The following RNF13 variants were observed in gnomAD, a reference collection of about 807,000 sequenced individuals.
RNF13 encodes the protein ring finger protein 13.
RNF13 carries 19 observed loss-of-function variants against 37.7 expected under a neutral mutation model. That is an observed-to-expected ratio of 0.50 (90% confidence interval 0.35 to 0.74). The LOEUF is 0.74. Ranked by LOEUF, RNF13 falls within the 30% of genes least tolerant of loss-of-function variation. The probability of loss-of-function intolerance (pLI) is 0.01; values close to 1 mark genes in which losing one functional copy is unlikely to be tolerated. For missense variants in RNF13, 375 were observed against 453.0 expected (o/e 0.83, Z 1.56); for synonymous variants, 144 against 157.8 (o/e 0.91, Z 0.65).
At chr3:149,957,398 C>CTT (rs11415581) in intron 8 of RNF13, among the ~76,000 whole-genome samples, 5 of 151,208 alleles carry the variant, frequency 3.3e-5, no homozygotes, top group South Asian at 2.1e-4. Flanking sequence ...GAGCAACTAG[C>CTT]TTTTTTTTTA....
chr3:149,817,578 C>T (rs924897860), intron 1 of RNF13, among the ~76,000 whole-genome samples: 1 of 152,168 alleles, frequency 6.6e-6, no homozygotes, highest in Non-Finnish European at 1.5e-5. Flanking sequence ...ATCAGAGACT[C>T]TGTGTGCTTG....
rs914224250 is a variant in RNF13, at chr3:149,943,197, A to G, written c.701-16859A>G. ...GTTAAGGTAATTCTGACCTCATAGA[A>G]TGAGTTTGGAAGTGTTGCAGTTCTT... On this transcript the variant is annotated intron_variant, in intron 8 of 9. Coordinates refer to ENST00000392894, the MANE Select transcript of RNF13 (RefSeq NM_183381.3). 2.6e-5 allele frequency among the ~76,000 whole-genome samples: 4 copies of G among 151,286 alleles called. No homozygotes were observed. The South Asian group carries it at 8.4e-4, about 32-fold the overall frequency.
At chr3:149,882,013 T>C (rs573496724) in intron 4 of RNF13, among the ~76,000 whole-genome samples, 3 of 152,172 alleles carry the variant, frequency 2.0e-5, no homozygotes, top group Non-Finnish European at 2.9e-5. Flanking sequence ...GTTCTTTTTT[T>C]TTCTCTGCCA....
At chr3:149,894,675 A>G (rs1351270051) in intron 4 of RNF13, among the ~76,000 whole-genome samples, 3 of 152,134 alleles carry the variant, frequency 2.0e-5, no homozygotes, top group Non-Finnish European at 2.9e-5. Flanking sequence ...AAGTATTTCA[A>G]GTATTCAAAA....
chr3:149,939,079 G>T, intron 8 of RNF13: 1 of 498,048 alleles, frequency 2.0e-6, no homozygotes, highest in South Asian at 1.5e-5. Context: ...TGAACTGCTT[G>T]CATTTTAATG....
At chr3:149,926,794 T>C (rs1370634718) in intron 8 of RNF13, among the ~76,000 whole-genome samples, 2 of 152,230 alleles carry the variant, frequency 1.3e-5, no homozygotes, top group East Asian at 3.8e-4. Context: ...CTCTTGGTTT[T>C]ATTGTTTAAC....
In RNF13 at chr3:149,872,100, A is replaced by G. The variant is rs2108442188; in HGVS notation, c.267A>G (p.Ser89=). 18 of 1,603,376 alleles carry G rather than the reference A, an allele frequency of 1.1e-5. No homozygotes were observed. The highest frequency in any genetic ancestry group is 1.4e-5 in the Non-Finnish European group (17 of 1,172,948). The change falls in exon 4 of 10, where the codon TCA becomes TCG. Residue 89 remains serine (S), a synonymous_variant. Coordinates refer to ENST00000392894, the MANE Select transcript of RNF13 (RefSeq NM_183381.3). ...PIVPPPVKDN[S]SGTFIVLIRR... Reference sequence around the variant, plus strand: ...TGCCTCCACCAGTAAAAGACAATTCATCTGGCACTTTCATCGTGTTAATTA... The same window carrying G: ...TGCCTCCACCAGTAAAAGACAATTCGTCTGGCACTTTCATCGTGTTAATTA...
chr3:149,943,264 G>A (rs1360611992), intron 8 of RNF13, among the ~76,000 whole-genome samples: 1 of 150,190 alleles, frequency 6.7e-6, no homozygotes. Flanking sequence ...GCAGTTTTAG[G>A]TTCACAGCAA....
intron 8 of RNF13, among the ~76,000 whole-genome samples, chr3:149,925,671 A>G (rs1002844149): frequency 6.6e-6 from 1 of 152,120 alleles, no homozygotes; most frequent in Non-Finnish European, 1.5e-5. Context: ...TTTTGAGAAT[A>G]TACTTGTACA....
intron 5 of RNF13, 101 bp from the exon 6 acceptor site, chr3:149,901,971 A>T: frequency 2.0e-6 from 1 of 497,392 alleles, no homozygotes; most frequent in Non-Finnish European, 3.6e-6. Context: ...ATTAAAGTTG[A>T]TTGTAATTGT....
chr3:149,862,528 C>T (rs1026362716), intron 3 of RNF13, among the ~76,000 whole-genome samples: 7 of 151,938 alleles, frequency 4.6e-5, no homozygotes, highest in African/African-American at 1.7e-4. Context: ...CATTGTGCTT[C>T]CATTTAAATT....
chr3:149,935,335 CTA>C, intron 8 of RNF13, among the ~76,000 whole-genome samples: 1 of 152,212 alleles, frequency 6.6e-6, no homozygotes, highest in East Asian at 1.9e-4. Context: ...TTTAATCACT[CTA>C]TGTCTTTTAA....
chr3:149,860,270 A>AATAT (rs1186058605), intron 3 of RNF13, among the ~76,000 whole-genome samples: 171 of 104,064 alleles, frequency 1.6e-3, no homozygotes, highest in South Asian at 2.3e-3. Context: ...AAAAAAAAAA[A>AATAT]ATATATATAT....
intron 8 of RNF13, among the ~76,000 whole-genome samples, chr3:149,959,074 G>A (rs113524830): frequency 7.9e-5 from 12 of 152,258 alleles, no homozygotes; most frequent in African/African-American, 2.4e-4. Context: ...TTGTTACCCC[G>A]TGTGGGATAG....
chr3:149,888,063 A>G lies in RNF13; in HGVS notation c.322-7410A>G, dbSNP rs1213896854. ...TCTTCCTAGTGAGTAAGCACTTAAA[A>G]TACACCTTGAGAGAGGTGTATTTTT... On this transcript the variant is annotated intron_variant, in intron 4 of 9. Transcript: ENST00000392894. 3.3e-5 allele frequency among the ~76,000 whole-genome samples: 5 copies of G among 152,212 alleles called. No homozygotes were observed. In the East Asian group the frequency reaches 9.6e-4, roughly 29 times the overall value.
intron 4 of RNF13, among the ~76,000 whole-genome samples, chr3:149,877,722 A>G (rs1022120680): frequency 2.6e-5 from 4 of 152,106 alleles, no homozygotes; most frequent in African/African-American, 9.6e-5. Flanking sequence ...TTCATAATGT[A>G]TATATTTCTA....
intron 8 of RNF13, among the ~76,000 whole-genome samples, chr3:149,958,062 A>G (rs577678736): frequency 4.8e-4 from 73 of 152,354 alleles, no homozygotes; most frequent in African/African-American, 1.7e-3. Flanking sequence ...TACTTGGAAC[A>G]ATTCAAAGGA....
intron 6 of RNF13, among the ~76,000 whole-genome samples, chr3:149,909,866 A>G (rs1716808296): frequency 6.6e-6 from 1 of 151,616 alleles, no homozygotes; most frequent in African/African-American, 2.4e-5. Flanking sequence ...TTTCTGAGCA[A>G]CCCTGGGGCT....
chr3:149,938,971 A>C, intron 8 of RNF13: 1 of 445,560 alleles, frequency 2.2e-6, no homozygotes, highest in South Asian at 1.9e-5. Context: ...ATTTTTAACA[A>C]ATTGTTTAAA....
Sources: allele counts gnomAD v4.1 joint callset (sites outside exome capture counted in the v4.1 genomes callset), GRCh38; gene constraint gnomAD v4.1.1; transcripts MANE v1.5; gene names NCBI Gene and HGNC (gene_info 2026-07-23, HGNC 2026-07-21).